ACLY: variants seen among roughly 807,000 people sequenced by gnomAD.
ACLY encodes ATP-citrate synthase.
Under a neutral mutation model 133.0 loss-of-function variants are expected in ACLY, and 41 were observed. The observed-to-expected ratio is 0.31, with a 90% CI of 0.24 to 0.40. ACLY has a LOEUF of 0.40. Ranked by LOEUF, ACLY falls within the 10% of genes least tolerant of loss-of-function variation. The probability of loss-of-function intolerance (pLI) is 1.00; values close to 1 mark genes in which losing one functional copy is unlikely to be tolerated. For synonymous variants in ACLY, 495 were observed against 549.3 expected (o/e 0.90, Z 1.38); for missense variants, 1,046 against 1,453.8 (o/e 0.72, Z 4.56).
chr17:41,878,702 AG>A, intron 21 of ACLY, 94 bp downstream of exon 21: 2 of 1,473,556 alleles, frequency 1.4e-6, no homozygotes, highest in Non-Finnish European at 1.9e-6. Context: ...GAGAGGGACC[AG>A]GAATACATGA....
At chr17:41,888,136 A>C (rs1302721463) in intron 16 of ACLY, among the ~76,000 whole-genome samples, 2 of 151,990 alleles carry the variant, frequency 1.3e-5, no homozygotes, top group African/African-American at 4.8e-5. Flanking sequence ...TCAAAAACAA[A>C]AACAAAACAA....
rs60296550 is a variant in ACLY at position 41,900,069 on chromosome 17, C to CAAAAA, written c.1184-1289_1184-1285dup. Among the ~76,000 whole-genome samples, 58 of 46,622 alleles carry CAAAAA rather than the reference C, an allele frequency of 1.2e-3. 10 individuals are homozygous for CAAAAA. The highest frequency in any genetic ancestry group is 1.7e-3 in the African/African-American group (26 of 15,190). 30.6% of individuals were successfully genotyped at this position (46,622 alleles called of 152,430 possible). A position where few individuals can be genotyped will look rare whatever the true frequency, so the allele number is the denominator to read the frequency against. On this transcript the variant is annotated intron_variant, in intron 11 of 28. Transcript: ENST00000352035. ...GGGTGACAGAGTGAGACCCTGTCTC[C>CAAAAA]AAAAAAAAAAAAAAAAAAAAAAAAA...
intron 3 of ACLY, 86 bp downstream of exon 3, chr17:41,912,334 G>T: frequency 6.6e-7 from 1 of 1,525,268 alleles, no homozygotes; most frequent in Non-Finnish European, 8.9e-7. Flanking sequence ...CTGGCTGTGG[G>T]GGTGATCCAC....
intron 16 of ACLY, among the ~76,000 whole-genome samples, chr17:41,889,608 G>T (rs2049152369): frequency 7.6e-6 from 1 of 132,246 alleles, no homozygotes; most frequent in Non-Finnish European, 1.5e-5. Context: ...TAGGTATCAA[G>T]ACAATTTTAT....
rs147826148 is a variant in ACLY at position 41,869,155 on chromosome 17, A to G, written c.3052-30T>C. On this transcript the variant is annotated intron_variant, in intron 26 of 28. Coordinates refer to ENST00000352035, the MANE Select transcript of ACLY (RefSeq NM_001096.3). Reference sequence around the variant, plus strand: ...GAAGGCAAAAAAATTCAAAGCATTTATCATTATTTCTCATTTTTTCTTCAT... The same window carrying G: ...GAAGGCAAAAAAATTCAAAGCATTTGTCATTATTTCTCATTTTTTCTTCAT... 3.8e-4 allele frequency: 595 copies of G among 1,559,160 alleles called. 6 individuals carry two copies. In the African/African-American group the frequency reaches 7.5e-3, roughly 20 times the overall value.
chr17:41,912,075 C>T (rs1555633729), intron 3 of ACLY, among the ~76,000 whole-genome samples: 2 of 150,486 alleles, frequency 1.3e-5, no homozygotes, highest in African/African-American at 4.9e-5. Context: ...GATCACGCCA[C>T]TGCACTCCAG....
intron 22 of ACLY, among the ~76,000 whole-genome samples, chr17:41,877,196 A>G (rs1347112459): frequency 1.3e-5 from 2 of 151,608 alleles, no homozygotes; most frequent in African/African-American, 2.4e-5. Context: ...GCTGGAGTGC[A>G]ATGGCACGAT....
chr17:41,875,046 A>G (rs2048698115), intron 22 of ACLY, among the ~76,000 whole-genome samples: 1 of 152,052 alleles, frequency 6.6e-6, no homozygotes, highest in African/African-American at 2.4e-5. Flanking sequence ...ATAGCTGCCA[A>G]CCATAACAAT....
intron 1 of ACLY, among the ~76,000 whole-genome samples, chr17:41,918,010 T>G (rs2050097877): frequency 6.6e-6 from 1 of 152,158 alleles, no homozygotes; most frequent in East Asian, 1.9e-4. Flanking sequence ...AAAATCCTCT[T>G]CCCAGGAAGA....
In ACLY at chr17:41,892,420, C is replaced by T; in HGVS notation, c.1629G>A (p.Trp543Ter). 6.2e-7 allele frequency: 1 copy of T among 1,613,680 alleles called. No individual in the cohort carries two copies. Among genetic ancestry groups the T allele is most frequent in the Non-Finnish European group, 8.5e-7 (1 of 1,179,930 alleles). Reference sequence around the variant, plus strand: ...CAGGGATCAGGATCTCTTTGTGCCCCCAGTAAAACTTCTGCTTGTGGTCCC... The same window carrying T: ...CAGGGATCAGGATCTCTTTGTGCCCTCAGTAAAACTTCTGCTTGTGGTCCC... ...FTGDHKQKFY[W>*]GHKEILIPVF... The change falls in exon 16 of 29, where the codon TGG becomes TGA. Residue 543 changes from tryptophan to a stop codon, truncating the protein, a stop_gained. Coordinates refer to ENST00000352035, the MANE Select transcript of ACLY (RefSeq NM_001096.3). LOFTEE classifies it high-confidence loss of function.
intron 3 of ACLY, among the ~76,000 whole-genome samples, chr17:41,910,696 C>T (rs1003352526): frequency 5.9e-5 from 9 of 152,154 alleles, no homozygotes; most frequent in African/African-American, 1.4e-4. Flanking sequence ...TGGGTCCGGG[C>T]GCAGGGAATG....
At chr17:41,885,831 A>G (rs542990271) in intron 18 of ACLY, among the ~76,000 whole-genome samples, 305 of 152,270 alleles carry the variant, frequency 2.0e-3, no homozygotes, top group African/African-American at 6.9e-3. Flanking sequence ...GGCCCTCCTA[A>G]CCACTGTACT....
chr17:41,868,693 C>T lies in ACLY; in HGVS notation c.3211+16G>A, dbSNP rs772941237. On this transcript the variant is annotated intron_variant, in intron 28 of 28. Coordinates refer to ENST00000352035, the MANE Select transcript of ACLY (RefSeq NM_001096.3). ...GTTTAAAAAAAAACACTTAAAACAA[C>T]AACGAATGGACTCACCAATGAACCC... 1 of 1,601,790 alleles carries T rather than the reference C, an allele frequency of 6.2e-7. No individual in the cohort carries two copies. Among genetic ancestry groups the T allele is most frequent in the South Asian group, 1.1e-5 (1 of 89,288 alleles).
chr17:41,867,949 C>A (rs1409506560), intron 28 of ACLY, 45 bp from the exon 29 acceptor site: 30 of 1,401,324 alleles, frequency 2.1e-5, no homozygotes, highest in Non-Finnish European at 3.0e-5. Flanking sequence ...CTTCATAAGC[C>A]TGGTGAGAGG....
chr17:41,904,335 AGAAG>A (rs1186683038), intron 10 of ACLY: 1 of 141,810 alleles, frequency 7.1e-6, no homozygotes, highest in Non-Finnish European at 1.5e-5. Context: ...AAGGAAGGGA[AGAAG>A]GAAGGGAAGG....
chr17:41,897,420 A>C (rs1486818555), intron 13 of ACLY, among the ~76,000 whole-genome samples: 3 of 152,004 alleles, frequency 2.0e-5, no homozygotes, highest in African/African-American at 7.3e-5. Context: ...GAAGAGTCTC[A>C]GAGAACTTTC....
At chr17:41,872,290 C>A (rs2048618442) in intron 23 of ACLY, 108 bp from the exon 24 acceptor site, 4 of 1,034,140 alleles carry the variant, frequency 3.9e-6, no homozygotes, top group Admixed American at 2.2e-5. Flanking sequence ...AACTACCAAT[C>A]CAAGTCTAAT....
Position 41,876,345 on chromosome 17 carries a change from T to C in ACLY, c.2487+1758A>G, listed in dbSNP as rs1489942024. On this transcript the variant is annotated intron_variant, in intron 22 of 28. Coordinates refer to ENST00000352035, the MANE Select transcript of ACLY (RefSeq NM_001096.3). ...CCCCGTCCGGGAGGTGAGGGGCGCC[T>C]CTGCCCGGCCGCCCCTACTGGGAAG... Among the ~76,000 whole-genome samples the C allele has an allele frequency of 1.1e-3, 168 of 147,468 alleles. 1 individual carries two copies. The highest frequency in any genetic ancestry group is 3.7e-3 in the Middle Eastern group (1 of 270).
Position 41,867,828 on chromosome 17 carries a change from C to G in ACLY, c.3288G>C (p.Pro1096=). Residue 1096 remains proline, a synonymous_variant, in exon 29 of 29, where the codon CCG becomes CCC. Transcript: ENST00000352035. The stretch of plus-strand genomic sequence containing the variant: ...GGCTCTGTTACATGCTCATGTGTTC[C>G]GGAAGAACATATGAAATATCATCCC... ...HPWDDISYVL[P]EHMSM 1 of 1,610,578 alleles carries G rather than the reference C, an allele frequency of 6.2e-7. No homozygotes were observed. The highest frequency in any genetic ancestry group is 1.3e-5 in the African/African-American group (1 of 74,758).
Sources: allele counts gnomAD v4.1 joint callset (sites outside exome capture counted in the v4.1 genomes callset), GRCh38; gene constraint gnomAD v4.1.1; transcripts MANE v1.5; gene names NCBI Gene and HGNC (gene_info 2026-07-23, HGNC 2026-07-21).